Variants in ALK observed in about 807,000 individuals in gnomAD.
The protein encoded by ALK is ALK receptor tyrosine kinase.
ALK carries 74 observed loss-of-function variants against 163.1 expected under a neutral mutation model. The observed-to-expected ratio is 0.45, with a 90% confidence interval of 0.38 to 0.55. ALK has a LOEUF of 0.55. Among genes scored for constraint, ALK ranks in the 20% least tolerant of loss-of-function variants. The pLI is 0.00. For missense variants in ALK, 2,063 were observed against 2,105.3 expected (o/e 0.98, Z 0.39); for synonymous variants, 960 against 843.2 (o/e 1.14, Z -2.40).
In ALK at chr2:29,836,677, C is replaced by T. The variant is rs576546989; in HGVS notation, c.667+83316G>A. 3.3e-5 allele frequency among the ~76,000 whole-genome samples: 5 copies of T among 152,310 alleles called. No homozygotes were observed. In the South Asian group the frequency reaches 1.0e-3, roughly 32 times the overall value. On this transcript the variant is annotated intron_variant, in intron 1 of 28. Coordinates refer to ENST00000389048, the MANE Select transcript of ALK (RefSeq NM_004304.5). ...GCTTAGACCCCTAATCTGTTACCTC[C>T]TTGTGAAACATGCTTTGGTTTTCAT...
intron 1 of ALK, among the ~76,000 whole-genome samples, chr2:29,883,074 AGAGAGAGGAAGG>A (rs889865993): frequency 1.3e-5 from 2 of 151,916 alleles, no homozygotes; most frequent in African/African-American, 4.8e-5. Flanking sequence ...GAGAGACGAC[AGAGAGAGGAAGG>A]GAGAGAGGAA....
chr2:29,520,167 C>T (rs1353655257), intron 4 of ALK, among the ~76,000 whole-genome samples: 2 of 152,110 alleles, frequency 1.3e-5, no homozygotes, highest in East Asian at 1.9e-4. Context: ...CTAACATAGG[C>T]CAGCATTTGC....
At chr2:29,417,089 G>A (rs1327757860) in intron 4 of ALK, among the ~76,000 whole-genome samples, 2 of 142,514 alleles carry the variant, frequency 1.4e-5, no homozygotes, top group East Asian at 2.2e-4. Context: ...CTGGGTTCAC[G>A]CCATTCTCCT....
chr2:29,337,974 C>T (rs999831162), intron 5 of ALK, among the ~76,000 whole-genome samples: 2 of 152,156 alleles, frequency 1.3e-5, no homozygotes, highest in African/African-American at 4.8e-5. Flanking sequence ...GCCTAATGTA[C>T]AAGATTTATG....
At chr2:29,413,208 G>C (rs201631105) in intron 4 of ALK, among the ~76,000 whole-genome samples, 1 of 152,216 alleles carries the variant, frequency 6.6e-6, no homozygotes, top group East Asian at 1.9e-4. Flanking sequence ...ACACCATCAA[G>C]AGACATGGTA....
At chr2:29,697,004 T>G (rs1167191244) in intron 2 of ALK, among the ~76,000 whole-genome samples, 1 of 151,788 alleles carries the variant, frequency 6.6e-6, no homozygotes, top group Non-Finnish European at 1.5e-5. Context: ...CAAACCACCA[T>G]GGCACACATA....
intron 1 of ALK, among the ~76,000 whole-genome samples, chr2:29,761,750 C>T (rs1349054909): frequency 2.6e-5 from 4 of 152,186 alleles, no homozygotes; most frequent in Admixed American, 6.5e-5. Context: ...ATGGCTTGTC[C>T]TCTGTGAACA....
chr2:29,664,896 C>G (rs1298669860), intron 3 of ALK, among the ~76,000 whole-genome samples: 1 of 152,104 alleles, frequency 6.6e-6, no homozygotes, highest in East Asian at 1.9e-4. Flanking sequence ...CCAAGGCTGC[C>G]CACCAGTCTA....
chr2:29,852,580 T>G (rs1248485627), intron 1 of ALK, among the ~76,000 whole-genome samples: 1 of 152,184 alleles, frequency 6.6e-6, no homozygotes, highest in Non-Finnish European at 1.5e-5. Context: ...TCTGGAACCT[T>G]CCTCCACACC....
chr2:29,217,294 G>A (rs1306453551), intron 23 of ALK, among the ~76,000 whole-genome samples: 2 of 149,424 alleles, frequency 1.3e-5, no homozygotes, highest in Non-Finnish European at 3.0e-5. Flanking sequence ...TCTGTGGTGT[G>A]TGTGATGTGT....
At chr2:29,445,922 A>C (rs1670663780) in intron 4 of ALK, among the ~76,000 whole-genome samples, 1 of 148,256 alleles carries the variant, frequency 6.7e-6, no homozygotes, top group African/African-American at 2.5e-5. Context: ...AAACGGTGAA[A>C]CCCCGTCTCT....
At chr2:29,730,387 C>A (rs1558462976) in intron 1 of ALK, among the ~76,000 whole-genome samples, 1 of 152,016 alleles carries the variant, frequency 6.6e-6, no homozygotes, top group Non-Finnish European at 1.5e-5. Context: ...ATAGGAGGTA[C>A]AGTACATTGA....
At chr2:29,754,620 C>A (rs2148333014) in intron 1 of ALK, among the ~76,000 whole-genome samples, 1 of 152,066 alleles carries the variant, frequency 6.6e-6, no homozygotes. Context: ...AGTTTGGGAG[C>A]TTGCAGCTGC....
At chr2:29,249,550 G>T (rs1173807392) in intron 12 of ALK, among the ~76,000 whole-genome samples, 1 of 152,154 alleles carries the variant, frequency 6.6e-6, no homozygotes, top group Non-Finnish European at 1.5e-5. Flanking sequence ...CTTTGAGCCA[G>T]AGCACCCTGG....
intron 5 of ALK, among the ~76,000 whole-genome samples, chr2:29,357,464 C>T (rs577817013): frequency 4.6e-5 from 7 of 152,334 alleles, no homozygotes; most frequent in East Asian, 1.9e-4. Context: ...ATCATACCAC[C>T]GCTTCTAGCT....
At chr2:29,665,000 TTTC>T (rs1466785864) in intron 3 of ALK, among the ~76,000 whole-genome samples, 1 of 147,056 alleles carries the variant, frequency 6.8e-6, no homozygotes, top group African/African-American at 2.7e-5. Flanking sequence ...TTTTTCTTTT[TTTC>T]TTTTTTTTTT....
chr2:29,195,583 A>T (rs1669001881), intron 28 of ALK, among the ~76,000 whole-genome samples: 1 of 152,130 alleles, frequency 6.6e-6, no homozygotes, highest in Non-Finnish European at 1.5e-5. Flanking sequence ...ATTACAAAAA[A>T]AATTAGCTGG....
At chr2:29,561,190 G>A (rs780671994) in intron 3 of ALK, among the ~76,000 whole-genome samples, 8 of 151,978 alleles carry the variant, frequency 5.3e-5, no homozygotes, top group Non-Finnish European at 1.2e-4. Flanking sequence ...TATGTAGCTC[G>A]CATTATATTT....
At chr2:29,527,296 C>T (rs1672982773) in intron 4 of ALK, among the ~76,000 whole-genome samples, 2 of 152,178 alleles carry the variant, frequency 1.3e-5, no homozygotes, top group African/African-American at 2.4e-5. Context: ...GATCTTTGGT[C>T]AGAACTGACT....
Sources: gnomAD v4.1 joint callset for allele counts (sites outside exome capture counted in the v4.1 genomes callset) on GRCh38, gnomAD v4.1.1 for gene constraint, MANE v1.5 for transcripts, NCBI Gene and HGNC (gene_info 2026-07-23, HGNC 2026-07-21) for gene names.